The following AATK variants were observed in gnomAD, a reference collection of about 807,000 sequenced individuals.
The protein encoded by AATK is lemur tail kinase 1.
Under a neutral mutation model 114.3 loss-of-function variants are expected in AATK, and 91 were observed. The ratio of observed to expected loss-of-function variants is 0.80; its 90% CI spans 0.67 to 0.95. The LOEUF is 0.95. Ranked by LOEUF, AATK falls within the 40% of genes least tolerant of loss-of-function variation. The pLI, the probability that AATK is intolerant of heterozygous loss-of-function variation, is 0.00. For synonymous variants in AATK, 1,075 were observed against 916.5 expected, an observed-to-expected ratio of 1.17 and a Z score of -3.12; for missense variants, 2,176 against 1,965.2, an observed-to-expected ratio of 1.11 and a Z score of -2.03.
chr17:81,131,798 G>C, intron 2 of AATK: 1 of 1,270,428 alleles, frequency 7.9e-7, no homozygotes. Flanking sequence ...CCACAGTCCT[G>C]TGGGAGAAGC....
At chr17:81,124,130 C>T (rs1160258053) in intron 9 of AATK, among the ~76,000 whole-genome samples, 1 of 152,028 alleles carries the variant, frequency 6.6e-6, no homozygotes, top group African/African-American at 2.4e-5. Flanking sequence ...GAGAGTTCCC[C>T]AGAAGCAGAA....
intron 1 of AATK, among the ~76,000 whole-genome samples, chr17:81,143,878 C>T (rs749202081): frequency 1.3e-4 from 20 of 152,244 alleles, no homozygotes; most frequent in Admixed American, 3.3e-4. Flanking sequence ...TGGGTGCGGG[C>T]GTGACCCCCA....
chr17:81,138,920 TACC>T (rs1361532159), intron 1 of AATK, among the ~76,000 whole-genome samples: 1 of 148,312 alleles, frequency 6.7e-6, no homozygotes, highest in East Asian at 2.0e-4. Flanking sequence ...CGTAGACAGA[TACC>T]ACACGTGTAG....
intron 1 of AATK, among the ~76,000 whole-genome samples, chr17:81,163,916 G>A (rs2061454639): frequency 6.6e-6 from 1 of 152,230 alleles, no homozygotes; most frequent in Non-Finnish European, 1.5e-5. Flanking sequence ...CAGATGCTGA[G>A]TGACACACAA....
intron 6 of AATK, 64 bp downstream of exon 6, chr17:81,127,519 T>G: frequency 6.7e-7 from 1 of 1,497,602 alleles, no homozygotes; most frequent in Non-Finnish European, 9.1e-7. Context: ...CACCAGACAC[T>G]GGCAGGGCAA....
chr17:81,157,053 CCA>C (rs1007016066), intron 1 of AATK, among the ~76,000 whole-genome samples: 2 of 152,148 alleles, frequency 1.3e-5, no homozygotes, highest in Non-Finnish European at 2.9e-5. Flanking sequence ...TGAACCATCC[CCA>C]CAGTCACTCC....
chr17:81,140,908 GCCGTGGGGCCGTGGGACCGTGGGA>G (rs1467893275), intron 1 of AATK, among the ~76,000 whole-genome samples: 16 of 105,998 alleles, frequency 1.5e-4, no homozygotes, highest in Non-Finnish European at 2.7e-4. Flanking sequence ...GAGCCGTGGG[GCCGTGGGGCCGTGGGACCGTGGGA>G]CCATGGGGCC....
intron 1 of AATK, among the ~76,000 whole-genome samples, chr17:81,163,948 C>T (rs887599984): frequency 1.3e-5 from 2 of 152,236 alleles, no homozygotes; most frequent in Non-Finnish European, 2.9e-5. Context: ...GAGCCACAAG[C>T]GTGGGCCCCT....
At chr17:81,127,719 G>A (rs551369534) in intron 5 of AATK, 49 bp from the exon 6 acceptor site, 1 of 1,540,214 alleles carries the variant, frequency 6.5e-7, no homozygotes, top group Non-Finnish European at 8.8e-7. Context: ...GTGGGGAGGG[G>A]GAGTCGGGCC....
Position 81,126,956 on chromosome 17 carries a change from A to G in AATK, c.622-396T>C. ...GGTCAACGTCAGGAGTCCAGACGCCAGTGTGTGAGGGCCCCTGTCCCGAGG... is the reference window on the plus strand; with the variant it reads ...GGTCAACGTCAGGAGTCCAGACGCCGGTGTGTGAGGGCCCCTGTCCCGAGG... On this transcript the variant is annotated intron_variant, in intron 6 of 13. Transcript: ENST00000326724. This position sits in a 1 kb window ranked among gnomAD's most constrained non-coding sequence, Gnocchi z 5.1. 1 of 600,924 alleles carries G rather than the reference A, an allele frequency of 1.7e-6. No homozygotes were observed. The highest frequency in any genetic ancestry group is 2.2e-6 in the Non-Finnish European group (1 of 455,472). The allele number at this position is 600,924 out of a possible 1,614,324, so 37.2% of individuals were successfully genotyped here. A position where few individuals can be genotyped will look rare whatever the true frequency, so the allele number is the denominator to read the frequency against.
At chr17:81,127,482 G>T (rs2146313249) in intron 6 of AATK, 101 bp downstream of exon 6, 3 of 1,197,052 alleles carry the variant, frequency 2.5e-6, no homozygotes, top group Non-Finnish European at 2.4e-6. Context: ...CTTTAGGGAG[G>T]ATGTGAGGCC....
chr17:81,119,158 AGGGTC>A (rs2060632669), intron 13 of AATK, among the ~76,000 whole-genome samples: 1 of 48,884 alleles, frequency 2.0e-5, no homozygotes, highest in African/African-American at 5.0e-5. Context: ...GGGTCAGGTG[AGGGTC>A]AGGTGAGGGT....
intron 1 of AATK, among the ~76,000 whole-genome samples, chr17:81,155,600 G>A (rs1441977233): frequency 6.6e-6 from 1 of 151,832 alleles, no homozygotes; most frequent in African/African-American, 2.4e-5. Context: ...TGGCCAGGCT[G>A]GTCTCGAACT....
At position 81,122,054 on chromosome 17, in the gene AATK, C is replaced by T. The variant is rs564632625; in HGVS notation, c.1882G>A (p.Asp628Asn). The change falls in exon 11 of 14, where the codon GAC (aspartate) becomes AAC (asparagine). Residue 628 changes from aspartate (D) to asparagine (N), a missense_variant. Coordinates refer to ENST00000326724, the MANE Select transcript of AATK (RefSeq NM_001080395.3). ...SLAEGGAEDA[D>N]WGVAAFCPAF... ...GGACAGAAGGCGGCCACGCCCCAGT[C>T]TGCATCCTCCGCTCCTCCCTCCGCC... The T allele has an allele frequency of 1.3e-6, 2 of 1,595,426 alleles. No individual in the cohort carries two copies. The highest frequency in any genetic ancestry group is 1.1e-5 in the South Asian group (1 of 90,452).
chr17:81,141,067 G>T (rs2061130972), intron 1 of AATK, among the ~76,000 whole-genome samples: 1 of 150,364 alleles, frequency 6.7e-6, no homozygotes, highest in African/African-American at 2.4e-5. Context: ...GGGGCCGTGG[G>T]GGCTAGGAGC....
Position 81,119,299 on chromosome 17 carries a change from C to A in AATK, c.4084+81G>T. On this transcript the variant is annotated intron_variant, in intron 13 of 13. Coordinates refer to ENST00000326724, the MANE Select transcript of AATK (RefSeq NM_001080395.3). ...AGCCGGGGCTGGCCCGGCCCAGGAC[C>A]TAGACGGAGGGGCCCCACCCTCGGA... 4 of 1,375,530 alleles carry A rather than the reference C, an allele frequency of 2.9e-6. No homozygotes were observed. The South Asian group carries it at 4.3e-5, about 15-fold the overall frequency. 85.2% of individuals were successfully genotyped at this position (1,375,530 alleles called of 1,614,324 possible). A position where few individuals can be genotyped will look rare whatever the true frequency, so the allele number is the denominator to read the frequency against.
rs2060584863 is a variant in AATK, at chr17:81,117,776, CT to C, written c.*625del. On this transcript the variant is annotated 3_prime_UTR_variant, in exon 14 of 14. Transcript: ENST00000326724. ...ACAGCGGGACCCAGGTGGGAGCAGC[CT>C]GTTCCCTGTGGGAAGGGTGGGCTTA... The C allele has an allele frequency of 6.6e-6, 1 of 152,336 alleles. No homozygotes were observed. Among genetic ancestry groups the C allele is most frequent in the Non-Finnish European group, 1.5e-5 (1 of 68,112 alleles). 9.4% of individuals were successfully genotyped at this position (152,336 alleles called of 1,614,324 possible). A position where few individuals can be genotyped will look rare whatever the true frequency, so the allele number is the denominator to read the frequency against.
At chr17:81,125,334 C>T (rs1237742594) in intron 7 of AATK, 2 of 696,352 alleles carry the variant, frequency 2.9e-6, no homozygotes, top group Non-Finnish European at 5.5e-6. Context: ...CGGACCGGTC[C>T]ACGCTTCTCC....
At chr17:81,156,750 G>A (rs2061371962) in intron 1 of AATK, among the ~76,000 whole-genome samples, 1 of 152,168 alleles carries the variant, frequency 6.6e-6, no homozygotes, top group African/African-American at 2.4e-5. Context: ...TTCGGTTTTT[G>A]GAATTTTGAC....
Sources: gnomAD v4.1 joint callset for allele counts (sites outside exome capture counted in the v4.1 genomes callset) on GRCh38, gnomAD v4.1.1 for gene constraint, Gnocchi (gnomAD v3.1) non-coding constraint, MANE v1.5 for transcripts, NCBI Gene and HGNC (gene_info 2026-07-23, HGNC 2026-07-21) for gene names.